Variants in FAM153A observed in about 807,000 individuals in gnomAD.
FAM153A encodes the protein protein FAM153A.
In FAM153A, 12 loss-of-function variants were observed where a neutral mutation model predicts 48.1. The observed-to-expected ratio is 0.25, with a 90% CI of 0.16 to 0.40. The LOEUF is 0.40. FAM153A is among the 10% of genes least tolerant of loss of function. The pLI is 1.00. For synonymous variants in FAM153A, 36 were observed against 118.2 expected (o/e 0.30, Z 4.51); for missense variants, 111 against 345.8 (o/e 0.32, Z 5.38).
chr5:177,694,994 G>A, the FAM153A span, among the ~76,000 whole-genome samples: 7 of 151,036 alleles, frequency 4.6e-5, no homozygotes, highest in Middle Eastern at 3.2e-3. Flanking sequence ...CATGAGCTCA[G>A]CTAACTGCAA....
upstream of FAM153A, among the ~76,000 whole-genome samples, chr5:177,754,751 T>A (rs1437170732): frequency 6.6e-6 from 1 of 151,672 alleles, no homozygotes; most frequent in Non-Finnish European, 1.5e-5. Context: ...TCCAGCAAAC[T>A]CCAACAGACC....
At chr5:177,715,832 C>G (rs966480754) in intron 25 of FAM153A, among the ~76,000 whole-genome samples, 2 of 151,614 alleles carry the variant, frequency 1.3e-5, no homozygotes, top group African/African-American at 2.4e-5. Context: ...GCCTCCTGCG[C>G]AGCTAATTTT....
At chr5:177,717,738 G>T (rs1760176495), downstream of FAM153A, among the ~76,000 whole-genome samples, 1 of 121,558 alleles carries the variant, frequency 8.2e-6, no homozygotes, top group Non-Finnish European at 1.7e-5. Flanking sequence ...TGTTTAATCT[G>T]GATCCACTCA....
At chr5:177,769,021 A>C (rs1768938019) in intron 1 of FAM153A, among the ~76,000 whole-genome samples, 1 of 89,058 alleles carries the variant, frequency 1.1e-5, no homozygotes, top group South Asian at 4.4e-4. Flanking sequence ...CAGGAGATCA[A>C]GACCATCCTG....
chr5:177,749,899 A>T (rs1285222683), intron 2 of FAM153A, among the ~76,000 whole-genome samples: 1 of 143,886 alleles, frequency 6.9e-6, no homozygotes, highest in Non-Finnish European at 1.5e-5. Context: ...CTACATATTT[A>T]CCCAGCTAAA....
At chr5:177,698,141 C>T in the FAM153A span, among the ~76,000 whole-genome samples, 1 of 151,382 alleles carries the variant, frequency 6.6e-6, no homozygotes, top group South Asian at 2.1e-4. Context: ...TAAGGTGATG[C>T]CCAGGAAGGG....
chr5:177,716,964 A>AGAGTGTGTGTGTGTGT (rs71585654), intron 24 of FAM153A, among the ~76,000 whole-genome samples: 1 of 127,652 alleles, frequency 7.8e-6, no homozygotes, highest in Non-Finnish European at 1.6e-5. Flanking sequence ...ATTCCCGCTT[A>AGAGTGTGTGTGTGTGT]GTGTGTGTGT....
At chr5:177,697,074 A>T in the FAM153A span, among the ~76,000 whole-genome samples, 1 of 151,914 alleles carries the variant, frequency 6.6e-6, no homozygotes, top group African/African-American at 2.4e-5. Flanking sequence ...CAATCCATAA[A>T]TATGGATGTC....
Position 177,769,006 on chromosome 5 carries a change from G to C in FAM153A, c.-57+11443C>G, listed in dbSNP as rs1464780445. Among the ~76,000 whole-genome samples, 2 of 89,602 alleles carry C rather than the reference G, an allele frequency of 2.2e-5. 1 individual carries two copies. Among genetic ancestry groups the C allele is most frequent in the Non-Finnish European group, 4.5e-5 (2 of 44,432 alleles). The allele number at this position is 89,602 out of a possible 152,430, so 58.8% of individuals were successfully genotyped here. ...TGGGAGGCCGAGGCGGGCAGATCAC[G>C]AGGTCAGGAGATCAAGACCATCCTG... On this transcript the variant is annotated intron_variant, in intron 1 of 8. Coordinates refer to the FAM153A transcript ENST00000393518.
upstream of FAM153A, chr5:177,753,247 C>T (rs780002449): frequency 2.8e-5 from 45 of 1,582,062 alleles, no homozygotes; most frequent in Middle Eastern, 1.7e-4. Flanking sequence ...TTACTGCCAA[C>T]GTTCAGTTGC....
chr5:177,698,140 G>A, the FAM153A span, among the ~76,000 whole-genome samples: 11 of 151,696 alleles, frequency 7.3e-5, no homozygotes, highest in South Asian at 1.9e-3. Context: ...GTAAGGTGAT[G>A]CCCAGGAAGG....
intron 10 of FAM153A, 79 bp downstream of exon 12, chr5:177,739,034 G>GA (rs1032398308): frequency 3.2e-6 from 4 of 1,263,208 alleles, no homozygotes; most frequent in Admixed American, 4.3e-5. Context: ...TGGTTCTCCA[G>GA]AAAACGCAGG....
intron 1 of FAM153A, among the ~76,000 whole-genome samples, chr5:177,758,293 G>T (rs1582499807): frequency 7.7e-6 from 1 of 130,172 alleles, no homozygotes; most frequent in African/African-American, 2.7e-5. Flanking sequence ...TCTTCAAGGA[G>T]AACTACAAAC....
At chr5:177,755,600 C>G (rs930513162), upstream of FAM153A, among the ~76,000 whole-genome samples, 1 of 151,700 alleles carries the variant, frequency 6.6e-6, no homozygotes, top group Non-Finnish European at 1.5e-5. Context: ...GTCGGGTTAC[C>G]CACAAAGGGA....
downstream of FAM153A, among the ~76,000 whole-genome samples, chr5:177,718,826 G>A (rs1382265364): frequency 6.7e-6 from 1 of 149,264 alleles, no homozygotes; most frequent in African/African-American, 2.5e-5. Context: ...CCTTAAAGTA[G>A]TGACTAAACA....
At chr5:177,698,101 T>C in the FAM153A span, among the ~76,000 whole-genome samples, 2 of 151,634 alleles carry the variant, frequency 1.3e-5, no homozygotes, top group Non-Finnish European at 2.9e-5. Flanking sequence ...GGTATTAGCA[T>C]TGCAAATATG....
chr5:177,706,949 G>T (rs1260030303), downstream of FAM153A: 6 of 151,942 alleles, frequency 3.9e-5, no homozygotes, highest in African/African-American at 1.5e-4. Flanking sequence ...CACAAAAATA[G>T]AAAATAAAGG....
chr5:177,709,093 CAAAAAAAAAAAAAAAAAAAAA>C (rs56257501), downstream of FAM153A, among the ~76,000 whole-genome samples: 96 of 34,120 alleles, frequency 2.8e-3, 1 homozygote, highest in African/African-American at 5.8e-3. Context: ...GACTCCGTCT[CAAAAAAAAAAAAAAAAAAAAA>C]AAAAAAAAAA....
intron 1 of FAM153A, among the ~76,000 whole-genome samples, chr5:177,752,902 TAGGCAAC>T (rs1361196898): frequency 8.2e-6 from 1 of 121,312 alleles, no homozygotes; most frequent in Non-Finnish European, 1.7e-5. Context: ...CATTCTAGCC[TAGGCAAC>T]AGAGCAAGAC....
Sources: allele counts gnomAD v4.1 joint callset (sites outside exome capture counted in the v4.1 genomes callset), GRCh38; gene constraint gnomAD v4.1.1; transcripts MANE v1.5; gene names NCBI Gene and HGNC (gene_info 2026-07-23, HGNC 2026-07-21).